The following FBXO21 variants were observed in gnomAD, a reference collection of about 807,000 sequenced individuals.
The protein encoded by FBXO21 is F-box protein 21, also known as F-box only protein 21.
A neutral mutation model predicts 76.6 loss-of-function variants in FBXO21; 32 were observed. The ratio of observed to expected loss-of-function variants is 0.42; its 90% CI spans 0.32 to 0.56. The LOEUF is 0.56. Ranked by LOEUF, FBXO21 falls within the 20% of genes least tolerant of loss-of-function variation. The pLI, the probability that FBXO21 is intolerant of heterozygous loss-of-function variation, is 0.16. For missense variants in FBXO21, 586 were observed against 797.3 expected (o/e 0.73, Z 3.19); for synonymous variants, 328 against 311.5 (o/e 1.05, Z -0.56).
At chr12:117,187,192 G>A (rs556230999) in intron 2 of FBXO21, among the ~76,000 whole-genome samples, 1 of 149,608 alleles carries the variant, frequency 6.7e-6, no homozygotes, top group African/African-American at 2.5e-5. Context: ...AGGCTGAGGT[G>A]GGCGGATCAC....
chr12:117,165,410 G>A, intron 9 of FBXO21, 75 bp downstream of exon 9: 1 of 1,402,790 alleles, frequency 7.1e-7, no homozygotes, highest in Non-Finnish European at 9.7e-7. Flanking sequence ...ACAAAGATAA[G>A]CTTGTCACGG....
At chr12:117,150,562 G>A (rs1233192354) in intron 11 of FBXO21, among the ~76,000 whole-genome samples, 1 of 152,176 alleles carries the variant, frequency 6.6e-6, no homozygotes, top group Admixed American at 6.5e-5. Flanking sequence ...CCCGCAACTG[G>A]CTTATTCAAT....
intron 3 of FBXO21, among the ~76,000 whole-genome samples, chr12:117,180,356 GTACATATGCACATGCACT>G (rs1956215536): frequency 6.6e-6 from 1 of 152,176 alleles, no homozygotes; most frequent in African/African-American, 2.4e-5. Flanking sequence ...GTGTGTACAT[GTACATATGCACATGCACT>G]TACATATACC....
intron 11 of FBXO21, among the ~76,000 whole-genome samples, chr12:117,153,614 G>C (rs1250582677): frequency 6.6e-6 from 1 of 152,188 alleles, no homozygotes; most frequent in Non-Finnish European, 1.5e-5. Flanking sequence ...GGAGAGGGAG[G>C]ACCCTGAAGA....
intron 7 of FBXO21, among the ~76,000 whole-genome samples, chr12:117,171,375 A>AG (rs1436974562): frequency 1.3e-5 from 2 of 151,840 alleles, no homozygotes; most frequent in East Asian, 1.9e-4. Flanking sequence ...AAAAAAAAAA[A>AG]AAAAAAGAAA....
intron 11 of FBXO21, among the ~76,000 whole-genome samples, chr12:117,151,045 G>A (rs932984938): frequency 1.3e-5 from 2 of 151,062 alleles, no homozygotes; most frequent in African/African-American, 4.9e-5. Context: ...GAGTTTGGAA[G>A]CATCAAATAA....
rs1349003917 is a variant in FBXO21 at position 117,143,175 on chromosome 12, C to T, written c.*2912G>A. The T allele has an allele frequency of 6.6e-6, 1 of 152,174 alleles. No homozygotes were observed. The highest frequency in any genetic ancestry group is 1.5e-5 in the Non-Finnish European group (1 of 68,030). 9.4% of individuals were successfully genotyped at this position (152,174 alleles called of 1,614,324 possible). ...GTCTCACTGAGACAGCTTTTCAAAG[C>T]ATGTCTGCAAACACCGGACCCCCGG... On this transcript the variant is annotated 3_prime_UTR_variant, in exon 12 of 12. Transcript: ENST00000622495.
chr12:117,151,839 T>C (rs1200643533), intron 11 of FBXO21, among the ~76,000 whole-genome samples: 1 of 151,686 alleles, frequency 6.6e-6, no homozygotes, highest in African/African-American at 2.4e-5. Flanking sequence ...CACTCGGCAA[T>C]TCTCATACAA....
At chr12:117,150,959 TGTGTGTGTGTGTGTGTGTGTGTGTGTG>T (rs1955834993) in intron 11 of FBXO21, among the ~76,000 whole-genome samples, 1 of 38,868 alleles carries the variant, frequency 2.6e-5, no homozygotes, top group Admixed American at 1.6e-4. Flanking sequence ...AATAAGTTTG[TGTGTGTGTGTGTGTGTGTGTGTGTGTG>T]TGTGTGTGTG....
intron 1 of FBXO21, among the ~76,000 whole-genome samples, chr12:117,189,809 G>A (rs1438587166): frequency 6.6e-6 from 1 of 152,146 alleles, no homozygotes; most frequent in African/African-American, 2.4e-5. Context: ...AGTGTGCAGG[G>A]CCAGATTTCA....
rs562775369 is a variant in FBXO21 at position 117,167,481 on chromosome 12, T to TC, written c.1014-405dup. On this transcript the variant is annotated intron_variant, in intron 7 of 11. Transcript: ENST00000622495. ...CAGAACCTCAGCCGGGCGTGGTGGC[T>TC]CACACCTGTAATCCCAGCACTTTGG... Among the ~76,000 whole-genome samples the TC allele has an allele frequency of 3.3e-3, 506 of 152,236 alleles. 1 individual carries two copies. Among genetic ancestry groups the TC allele is most frequent in the Non-Finnish European group, 4.6e-3 (314 of 68,004 alleles).
intron 3 of FBXO21, among the ~76,000 whole-genome samples, chr12:117,184,492 G>T (rs1388924028): frequency 6.6e-6 from 1 of 152,162 alleles, no homozygotes; most frequent in African/African-American, 2.4e-5. Flanking sequence ...GGTGGCTCAC[G>T]CCCATAATCT....
chr12:117,155,735 C>A, intron 11 of FBXO21, 56 bp downstream of exon 11: 4 of 1,554,284 alleles, frequency 2.6e-6, no homozygotes, highest in Non-Finnish European at 2.6e-6. Context: ...AGGGCTCAAA[C>A]GTGCGCTGAA....
rs1338623199 is a variant in FBXO21 at position 117,142,865 on chromosome 12, A to C, written c.*3222T>G. On this transcript the variant is annotated 3_prime_UTR_variant, in exon 12 of 12. Transcript: ENST00000622495. ...AGCCTGCGACACGGCAGCTCTGCTC[A>C]GTTTTCTCCGTGGGGAAAGATCGGA... 1 of 152,180 alleles carries C rather than the reference A, an allele frequency of 6.6e-6. No individual in the cohort carries two copies. The highest frequency in any genetic ancestry group is 1.9e-4 in the East Asian group (1 of 5,190). The allele number at this position is 152,180 out of a possible 1,614,324, so 9.4% of individuals were successfully genotyped here.
rs1955763603 is a variant in FBXO21, at chr12:117,145,887, G to A, written c.*200C>T. Reference sequence around the variant, plus strand: ...GTGCCTTTCAGATTAATTCACTAGTGTAGGCGGAGAGCAACATTGTCTTTG... The same window carrying A: ...GTGCCTTTCAGATTAATTCACTAGTATAGGCGGAGAGCAACATTGTCTTTG... On this transcript the variant is annotated 3_prime_UTR_variant, in exon 12 of 12. Coordinates refer to ENST00000622495, the MANE Select transcript of FBXO21 (RefSeq NM_015002.3). The A allele has an allele frequency of 2.1e-6, 1 of 478,030 alleles. No homozygotes were observed. The highest frequency in any genetic ancestry group is 3.7e-6 in the Non-Finnish European group (1 of 272,270). 29.6% of individuals were successfully genotyped at this position (478,030 alleles called of 1,614,324 possible). A position where few individuals can be genotyped will look rare whatever the true frequency, so the allele number is the denominator to read the frequency against.
chr12:117,183,719 C>A (rs1956257475), intron 3 of FBXO21, among the ~76,000 whole-genome samples: 1 of 152,196 alleles, frequency 6.6e-6, no homozygotes, highest in South Asian at 2.1e-4. Flanking sequence ...ATAGAAGTGT[C>A]TGCTCTTTCA....
At chr12:117,173,177 C>T (rs955612454) in intron 6 of FBXO21, among the ~76,000 whole-genome samples, 1 of 152,106 alleles carries the variant, frequency 6.6e-6, no homozygotes, top group Non-Finnish European at 1.5e-5. Context: ...TACAGGCAAC[C>T]GCCACCATGC....
chr12:117,158,088 A>G (rs901578263), intron 9 of FBXO21, 25 bp from the exon 10 acceptor site: 1 of 1,613,538 alleles, frequency 6.2e-7, no homozygotes, highest in Non-Finnish European at 8.5e-7. Context: ...AGAAAGACTA[A>G]AAGATAATAT....
intron 5 of FBXO21, 120 bp downstream of exon 5, chr12:117,174,531 G>C: frequency 7.8e-7 from 1 of 1,289,208 alleles, no homozygotes; most frequent in Non-Finnish European, 1.1e-6. Context: ...TAAACACGTG[G>C]TCACGTCATT....
Sources: allele counts gnomAD v4.1 joint callset (sites outside exome capture counted in the v4.1 genomes callset), GRCh38; gene constraint gnomAD v4.1.1; transcripts MANE v1.5; gene names NCBI Gene and HGNC (gene_info 2026-07-23, HGNC 2026-07-21).